CEP76: variants seen among roughly 807,000 people sequenced by gnomAD.
CEP76 encodes centrosomal protein of 76 kDa.
Under a neutral mutation model 83.3 loss-of-function variants are expected in CEP76, and 55 were observed. The observed-to-expected ratio is 0.66, with a 90% CI of 0.53 to 0.83. The LOEUF (loss-of-function observed/expected upper bound fraction) is 0.83, where lower values mean the gene tolerates loss of function less well. Among genes scored for constraint, CEP76 ranks in the 40% least tolerant of loss-of-function variants. CEP76 has a pLI of 0.00. For missense variants in CEP76, 694 were observed against 799.5 expected (o/e 0.87, Z 1.59); for synonymous variants, 270 against 274.5 (o/e 0.98, Z 0.16).
At chr18:12,677,621 AT>A (rs1334809221) in intron 10 of CEP76, among the ~76,000 whole-genome samples, 2 of 151,984 alleles carry the variant, frequency 1.3e-5, no homozygotes, top group Non-Finnish European at 2.9e-5. Context: ...CAGTATACAT[AT>A]TTTTTCTTTA....
intron 4 of CEP76, 122 bp from the exon 5 acceptor site, chr18:12,697,530 A>C: frequency 1.5e-6 from 1 of 681,156 alleles, no homozygotes; most frequent in Non-Finnish European, 2.3e-6. Flanking sequence ...ACAATTTGCT[A>C]ATGTCTCAGA....
intron 7 of CEP76, among the ~76,000 whole-genome samples, chr18:12,690,946 C>CCG (rs1555646025): frequency 2.0e-5 from 3 of 151,434 alleles, no homozygotes; most frequent in African/African-American, 7.3e-5. Context: ...AGAGCCCCCC[C>CCG]CCGTTCTGCA....
chr18:12,697,190 A>C (rs1397130831), intron 5 of CEP76, 33 bp downstream of exon 5: 2 of 1,390,482 alleles, frequency 1.4e-6, no homozygotes, highest in Non-Finnish European at 9.8e-7. Flanking sequence ...TGTGGCTATA[A>C]AAAGGTTAAC....
At chr18:12,691,309 C>G in intron 7 of CEP76, 50 bp downstream of exon 7, 1 of 1,167,700 alleles carries the variant, frequency 8.6e-7, no homozygotes, top group Non-Finnish European at 1.2e-6. Context: ...ACACACATAA[C>G]AGTAAATCTC....
chr18:12,686,471 A>G, intron 7 of CEP76, 21 bp from the exon 8 acceptor site: 1 of 1,545,342 alleles, frequency 6.5e-7, no homozygotes, highest in South Asian at 1.1e-5. Context: ...GGGGAAAAAC[A>G]TCTGTAATGA....
In CEP76 at chr18:12,680,813, G is replaced by C. The variant is rs1471417049; in HGVS notation, c.1138C>G (p.His380Asp). The stretch of plus-strand genomic sequence containing the variant: ...AGAAGGCTGCACAGAAGGTTAGCGT[G>C]ATCTTCACAGTCACCCTGGAAGATA... ...LCRNKGDCED[H>D]ANLLCSLLLG... Residue 380 changes from histidine to aspartate, a missense_variant, in exon 9 of 12, where the codon CAC becomes GAC. His to Asp is a moderately conservative substitution (Grantham distance 81). Coordinates refer to ENST00000262127, the MANE Select transcript of CEP76 (RefSeq NM_024899.4). 6.2e-7 allele frequency: 1 copy of C among 1,609,378 alleles called. No homozygotes were observed.
At chr18:12,701,336 T>C (rs555869880) in intron 1 of CEP76, among the ~76,000 whole-genome samples, 80 of 152,132 alleles carry the variant, frequency 5.3e-4, no homozygotes, top group African/African-American at 1.9e-3. Context: ...CAAACAACAC[T>C]CAACCAAAAG....
chr18:12,689,812 CAG>C (rs1187141183), intron 7 of CEP76, among the ~76,000 whole-genome samples: 4 of 152,048 alleles, frequency 2.6e-5, no homozygotes, highest in Non-Finnish European at 5.9e-5. Context: ...TGTTTTGAGA[CAG>C]AGTCTCACTC....
At chr18:12,699,953 A>G in intron 2 of CEP76, 48 bp from the exon 3 acceptor site, 2 of 1,276,766 alleles carry the variant, frequency 1.6e-6, no homozygotes, top group Non-Finnish European at 2.2e-6. Context: ...AAACAATTAT[A>G]GGTTAAGGAA....
At chr18:12,669,343 C>T (rs2038881831), downstream of CEP76, among the ~76,000 whole-genome samples, 1 of 151,854 alleles carries the variant, frequency 6.6e-6, no homozygotes, top group African/African-American at 2.4e-5. Context: ...AACTCCTGAC[C>T]TCAGGTGATC....
chr18:12,674,542 C>T lies in CEP76; in HGVS notation c.1835G>A (p.Cys612Tyr). The T allele has an allele frequency of 6.2e-7, 1 of 1,611,842 alleles. No individual in the cohort carries two copies. The highest frequency in any genetic ancestry group is 8.5e-7 in the Non-Finnish European group (1 of 1,178,322). Residue 612 changes from cysteine (C) to tyrosine (Y), a missense_variant, in exon 11 of 12, where the codon TGT becomes TAT. Transcript: ENST00000262127. Reference sequence around the variant, plus strand: ...TCCGTAAATTACACCTTACCGAAGACATGTGGCAAATGCACGTCTTGCATT... The same window carrying T: ...TCCGTAAATTACACCTTACCGAAGATATGTGGCAAATGCACGTCTTGCATT... ...YRNARRAFAT[C>Y]LRSPFCEEII...
rs899185725 is a variant in CEP76 at position 12,699,827 on chromosome 18, T to A, written c.295+3A>T. Reference sequence around the variant, plus strand: ...AACTAAATTAATGTTAAAATATACATACTTTTTTTTAATGTCGATTGTCTA... The same window carrying A: ...AACTAAATTAATGTTAAAATATACAAACTTTTTTTTAATGTCGATTGTCTA... On this transcript the variant is annotated splice_donor_region_variant and intron_variant, in intron 3 of 11. Transcript: ENST00000262127. 2.0e-6 allele frequency: 3 copies of A among 1,507,498 alleles called. No individual in the cohort carries two copies. Among genetic ancestry groups the A allele is most frequent in the South Asian group, 1.2e-5 (1 of 80,972 alleles). The allele number at this position is 1,507,498 out of a possible 1,614,324, so 93.4% of individuals were successfully genotyped here.
downstream of CEP76, among the ~76,000 whole-genome samples, chr18:12,669,255 G>A (rs1214087730): frequency 6.6e-6 from 1 of 151,798 alleles, no homozygotes; most frequent in East Asian, 1.9e-4. Context: ...TGGGAATACA[G>A]GCATGCGCCA....
intron 12 of CEP76, chr18:12,663,615 A>G (rs1305081861): frequency 6.6e-6 from 1 of 152,218 alleles, no homozygotes; most frequent in Non-Finnish European, 1.5e-5. Flanking sequence ...ATGTTTGACA[A>G]TAATTGCTTA....
At chr18:12,662,652 C>T (rs34120824) in intron 12 of CEP76, among the ~76,000 whole-genome samples, 36,103 of 152,102 alleles carry the variant, frequency 0.24, 4,976 homozygotes, top group Non-Finnish European at 0.32. Context: ...TGGTGCACAC[C>T]TATAATCCCA....
downstream of CEP76, among the ~76,000 whole-genome samples, chr18:12,669,618 T>C (rs2038888742): frequency 6.6e-6 from 1 of 152,170 alleles, no homozygotes; most frequent in African/African-American, 2.4e-5. Flanking sequence ...GAACACCACC[T>C]TGGAGACATT....
chr18:12,666,762 C>T (rs1195805702), intron 12 of CEP76, among the ~76,000 whole-genome samples: 1 of 151,288 alleles, frequency 6.6e-6, no homozygotes, highest in Non-Finnish European at 1.5e-5. Context: ...AAAAAAAAAA[C>T]TTTTGAATTG....
intron 8 of CEP76, among the ~76,000 whole-genome samples, chr18:12,682,784 G>A (rs1181042355): frequency 6.6e-6 from 1 of 151,804 alleles, no homozygotes; most frequent in African/African-American, 2.4e-5. Flanking sequence ...ACCACACCCA[G>A]CTAATTTTTG....
chr18:12,668,655 A>G (rs2038859002), downstream of CEP76, among the ~76,000 whole-genome samples: 1 of 150,752 alleles, frequency 6.6e-6, no homozygotes, highest in Admixed American at 6.7e-5. Context: ...ATCCAATCAA[A>G]AAGCTGAAAC....
Sources: allele counts gnomAD v4.1 joint callset (sites outside exome capture counted in the v4.1 genomes callset), GRCh38; gene constraint gnomAD v4.1.1; transcripts MANE v1.5; gene names NCBI Gene and HGNC (gene_info 2026-07-23, HGNC 2026-07-21).